The following ZNF385D variants were observed in gnomAD, a reference collection of about 807,000 sequenced individuals.
The protein encoded by ZNF385D is zinc finger protein 385D.
In ZNF385D, 15 loss-of-function variants were observed where a neutral mutation model predicts 35.8. The observed-to-expected ratio is 0.42, with a 90% CI of 0.28 to 0.64. The LOEUF is 0.64. ZNF385D is among the 30% of genes least tolerant of loss of function. The probability of loss-of-function intolerance (pLI) is 0.23; values close to 1 mark genes in which losing one functional copy is unlikely to be tolerated. For missense variants in ZNF385D, 474 were observed against 494.6 expected, an observed-to-expected ratio of 0.96 and a Z score of 0.39; for synonymous variants, 212 against 186.8, an observed-to-expected ratio of 1.13 and a Z score of -1.10.
chr3:21,877,223 A>G (rs374222750), intron 3 of ZNF385D, among the ~76,000 whole-genome samples: 34 of 152,206 alleles, frequency 2.2e-4, no homozygotes, highest in East Asian at 1.7e-3. Context: ...GGGCATTTTC[A>G]TAACTACCCT....
chr3:21,840,777 A>G (rs1301775956), intron 3 of ZNF385D, among the ~76,000 whole-genome samples: 7 of 151,954 alleles, frequency 4.6e-5, no homozygotes, highest in African/African-American at 1.4e-4. Context: ...TCATTCATTC[A>G]AAAAAGTTTG....
intron 3 of ZNF385D, among the ~76,000 whole-genome samples, chr3:21,957,685 C>A (rs983787046): frequency 1.3e-5 from 2 of 152,106 alleles, no homozygotes; most frequent in Non-Finnish European, 2.9e-5. Flanking sequence ...CCAGCATAAC[C>A]ATCTGCCCCA....
At chr3:21,832,953 T>A (rs59084964) in intron 3 of ZNF385D, among the ~76,000 whole-genome samples, 70,017 of 152,072 alleles carry the variant, frequency 0.46, 16,326 homozygotes, top group Non-Finnish European at 0.5. Flanking sequence ...AATATCTAAA[T>A]ATTATATAAA....
intron 4 of ZNF385D, among the ~76,000 whole-genome samples, chr3:21,510,146 T>C (rs1707092948): frequency 1.3e-5 from 2 of 152,150 alleles, no homozygotes; most frequent in Non-Finnish European, 2.9e-5. Context: ...GAATATTTTC[T>C]CTGTAGATTT....
intron 3 of ZNF385D, among the ~76,000 whole-genome samples, chr3:22,113,354 T>C (rs376551486): frequency 1.3e-5 from 2 of 152,220 alleles, no homozygotes; most frequent in African/African-American, 4.8e-5. Flanking sequence ...CCTAAAAATA[T>C]CACTTTCAAC....
rs535346696 is a variant in ZNF385D at position 21,653,548 on chromosome 3, T to C, written c.165+11338A>G. On this transcript the variant is annotated intron_variant, in intron 2 of 7. Transcript: ENST00000281523. ...ATACACAATATATGTATGTTTTTTC[T>C]CTCTAAAATTATAAAATTTTCACTA... is the stretch of plus-strand genomic sequence containing the variant. 2.6e-5 allele frequency among the ~76,000 whole-genome samples: 4 copies of C among 152,158 alleles called. No individual in the cohort carries two copies. The East Asian group carries it at 7.7e-4, about 29-fold the overall frequency.
At chr3:21,446,588 GATTCAA>G (rs1702167522) in intron 4 of ZNF385D, among the ~76,000 whole-genome samples, 1 of 139,782 alleles carries the variant, frequency 7.2e-6, no homozygotes, top group Admixed American at 7.9e-5. Flanking sequence ...CTGCCTCCTG[GATTCAA>G]GTGATTCTTC....
At chr3:21,569,435 T>A (rs2125669484) in intron 2 of ZNF385D, among the ~76,000 whole-genome samples, 1 of 151,086 alleles carries the variant, frequency 6.6e-6, no homozygotes, top group African/African-American at 2.5e-5. Flanking sequence ...CTCCATGCTT[T>A]TATTTTGAGC....
At position 21,526,397 on chromosome 3, in the gene ZNF385D, T is replaced by C. The variant is rs62238102; in HGVS notation, c.277-15374A>G. Among the ~76,000 whole-genome samples, 1,132 of 152,296 alleles carry C rather than the reference T, an allele frequency of 7.4e-3. 8 individuals are homozygous for C. The highest frequency in any genetic ancestry group is 0.011 in the Non-Finnish European group (780 of 68,026). Reference sequence around the variant, plus strand: ...TTAGTTCAAGTATCACTCCTCTGCATTGAAGACTAGTTTTGTTTATATATT... The same window carrying C: ...TTAGTTCAAGTATCACTCCTCTGCACTGAAGACTAGTTTTGTTTATATATT... On this transcript the variant is annotated intron_variant, in intron 3 of 7. Transcript: ENST00000281523.
intron 1 of ZNF385D, among the ~76,000 whole-genome samples, chr3:21,741,053 G>C (rs1375070580): frequency 6.9e-6 from 1 of 144,374 alleles, no homozygotes; most frequent in Non-Finnish European, 1.6e-5. Flanking sequence ...GCAGTGCCTG[G>C]CACAGCAGGC....
intron 1 of ZNF385D, among the ~76,000 whole-genome samples, chr3:21,695,135 A>T (rs2067426591): frequency 6.6e-6 from 1 of 152,244 alleles, no homozygotes; most frequent in Non-Finnish European, 1.5e-5. Context: ...TGCCATCATC[A>T]TTGTAAGTGT....
chr3:21,668,762 G>A (rs1054777757), intron 1 of ZNF385D, among the ~76,000 whole-genome samples: 3 of 151,990 alleles, frequency 2.0e-5, no homozygotes, highest in Non-Finnish European at 2.9e-5. Context: ...AATCAAAACC[G>A]GCAAATATAA....
chr3:21,520,233 G>A (rs10510513), intron 3 of ZNF385D, among the ~76,000 whole-genome samples: 94,677 of 152,016 alleles, frequency 0.62, 29,553 homozygotes, highest in East Asian at 0.7. Context: ...TGTCTGCATC[G>A]TAGCACTTAT....
At chr3:22,177,150 C>T (rs1265568924) in intron 2 of ZNF385D, among the ~76,000 whole-genome samples, 1 of 152,170 alleles carries the variant, frequency 6.6e-6, no homozygotes, top group Non-Finnish European at 1.5e-5. Context: ...TGCCATCACA[C>T]CAGGGATGCT....
intron 3 of ZNF385D, among the ~76,000 whole-genome samples, chr3:21,891,282 T>A (rs1449801580): frequency 6.6e-6 from 1 of 152,152 alleles, no homozygotes; most frequent in Non-Finnish European, 1.5e-5. Context: ...ATGGATAGAA[T>A]GAACAAGGAG....
chr3:21,880,212 T>C (rs1391001300), intron 3 of ZNF385D, among the ~76,000 whole-genome samples: 1 of 151,952 alleles, frequency 6.6e-6, no homozygotes, highest in Non-Finnish European at 1.5e-5. Flanking sequence ...GCCTCACTTA[T>C]GAGCACTGCG....
chr3:21,492,681 G>A (rs998509032), intron 4 of ZNF385D, among the ~76,000 whole-genome samples: 4 of 151,832 alleles, frequency 2.6e-5, no homozygotes, highest in African/African-American at 4.8e-5. Context: ...CTACTCGGGA[G>A]GATGAGGCGG....
intron 1 of ZNF385D, among the ~76,000 whole-genome samples, chr3:21,715,308 CT>C (rs1255566912): frequency 4.0e-5 from 6 of 151,782 alleles, no homozygotes; most frequent in East Asian, 2.0e-4. Flanking sequence ...TGGTGTTCAC[CT>C]TTTTTTTAAG....
chr3:21,757,003 A>G (rs2070367890), intron 3 of ZNF385D, among the ~76,000 whole-genome samples: 1 of 152,188 alleles, frequency 6.6e-6, no homozygotes, highest in Admixed American at 6.5e-5. Flanking sequence ...ATTATTGAAA[A>G]TTAATTGCCT....
Sources: gnomAD v4.1 joint callset for allele counts (sites outside exome capture counted in the v4.1 genomes callset) on GRCh38, gnomAD v4.1.1 for gene constraint, MANE v1.5 for transcripts, NCBI Gene and HGNC (gene_info 2026-07-23, HGNC 2026-07-21) for gene names.